The following ARFGAP2 variants were observed in gnomAD, a reference collection of about 807,000 sequenced individuals.
ARFGAP2 encodes the protein ADP-ribosylation factor GTPase-activating protein 2.
In ARFGAP2, 45 loss-of-function variants were observed where a neutral mutation model predicts 71.9. The observed-to-expected ratio is 0.63, with a 90% confidence interval of 0.49 to 0.80. The LOEUF (loss-of-function observed/expected upper bound fraction) is 0.80. Ranked by LOEUF, ARFGAP2 falls within the 30% of genes least tolerant of loss-of-function variation. The pLI is 0.00. For synonymous variants in ARFGAP2, 248 were observed against 249.2 expected, an observed-to-expected ratio of 1.00 and a Z score of 0.05; for missense variants, 633 against 673.9, an observed-to-expected ratio of 0.94 and a Z score of 0.67.
Position 47,164,405 on chromosome 11 carries a change from G to A in ARFGAP2, c.*1077C>T. The A allele has an allele frequency of 2.3e-6, 2 of 874,988 alleles. No homozygotes were observed. The highest frequency in any genetic ancestry group is 3.0e-5 in the East Asian group (1 of 33,104). 54.2% of individuals were successfully genotyped at this position (874,988 alleles called of 1,614,324 possible). On this transcript the variant is annotated 3_prime_UTR_variant, in exon 16 of 16. Transcript: ENST00000524782. ...AAGAAAGTCAAGTCCCTCTGGGGGA[G>A]GGGCAAGGGGAAGAGTGGTCTGTGT...
At chr11:47,168,526 T>A (rs557875612) in intron 10 of ARFGAP2, 2 of 288,678 alleles carry the variant, frequency 6.9e-6, no homozygotes, top group South Asian at 4.6e-5. Flanking sequence ...AATTTAATTT[T>A]ATTTATTTAT....
chr11:47,176,131 C>T, intron 2 of ARFGAP2: 3 of 608,082 alleles, frequency 4.9e-6, no homozygotes, highest in Non-Finnish European at 5.8e-6. Context: ...TCCCCAGATC[C>T]GAAAGGAGGT....
intron 3 of ARFGAP2, chr11:47,175,537 C>G: frequency 1.4e-6 from 1 of 694,198 alleles, no homozygotes; most frequent in African/African-American, 1.8e-5. Context: ...CCCCACTGAA[C>G]GCTGCCTGAG....
intron 2 of ARFGAP2, chr11:47,176,214 T>C (rs1952812468): frequency 1.7e-6 from 1 of 586,618 alleles, no homozygotes. Flanking sequence ...AGAGACATAC[T>C]GGTCTAACAA....
chr11:47,171,771 C>T lies in ARFGAP2; in HGVS notation c.702G>A (p.Gln234=). The change falls in exon 9 of 16, where the codon CAG becomes CAA. Residue 234 remains glutamine (Q), a synonymous_variant. Transcript: ENST00000524782. The stretch of plus-strand genomic sequence containing the variant: ...CACTGAAGCTCTGGCTGCTCACCTT[C>T]TGGGCCCCTAGGCCTTTCTTGGCAC... The part of the protein sequence containing the change: ...GLGAKKGLGA[Q]KVSSQSFSEI... 1.2e-6 allele frequency: 2 copies of T among 1,613,992 alleles called. No individual in the cohort carries two copies. The highest frequency in any genetic ancestry group is 1.7e-6 in the Non-Finnish European group (2 of 1,180,050).
In ARFGAP2 at chr11:47,173,419, T is replaced by C; in HGVS notation, c.619+7A>G. On this transcript the variant is annotated splice_region_variant and intron_variant, in intron 7 of 15. Coordinates refer to ENST00000524782, the MANE Select transcript of ARFGAP2 (RefSeq NM_032389.6). ...GACACCCCACGCCTGCCCGCTGGCATACTGACCCAGTGAGGCTTTGGGTGA... is the reference window on the plus strand; with the variant it reads ...GACACCCCACGCCTGCCCGCTGGCACACTGACCCAGTGAGGCTTTGGGTGA... 1 of 1,553,938 alleles carries C rather than the reference T, an allele frequency of 6.4e-7. No individual in the cohort carries two copies. Among genetic ancestry groups the C allele is most frequent in the Non-Finnish European group, 8.7e-7 (1 of 1,148,306 alleles).
Position 47,173,413 on chromosome 11 carries a change from C to G in ARFGAP2, c.619+13G>C. On this transcript the variant is annotated intron_variant, in intron 7 of 15. Coordinates refer to ENST00000524782, the MANE Select transcript of ARFGAP2 (RefSeq NM_032389.6). ...CTCCCAGACACCCCACGCCTGCCCG[C>G]TGGCATACTGACCCAGTGAGGCTTT... 1 of 1,553,076 alleles carries G rather than the reference C, an allele frequency of 6.4e-7. No homozygotes were observed. Among genetic ancestry groups the G allele is most frequent in the Non-Finnish European group, 8.7e-7 (1 of 1,147,852 alleles).
chr11:47,166,701 G>C, intron 13 of ARFGAP2, 59 bp downstream of exon 13: 1 of 1,601,120 alleles, frequency 6.2e-7, no homozygotes, highest in African/African-American at 1.3e-5. Flanking sequence ...GCAGCGGCAG[G>C]GAGAAAGCTC....
intron 8 of ARFGAP2, 142 bp from the exon 9 acceptor site, chr11:47,171,942 C>T: frequency 8.0e-7 from 1 of 1,254,838 alleles, no homozygotes; most frequent in Middle Eastern, 2.8e-4. Flanking sequence ...CCAGCATGGC[C>T]AAGACAATAG....
At chr11:47,167,033 T>A in intron 12 of ARFGAP2, 147 bp from the exon 13 acceptor site, 1 of 1,079,052 alleles carries the variant, frequency 9.3e-7, no homozygotes, top group Non-Finnish European at 1.3e-6. Flanking sequence ...TGGGCCCCTC[T>A]CCCCTGGTGA....
At chr11:47,165,608 G>T in intron 15 of ARFGAP2, 106 bp from the exon 16 acceptor site, 1 of 1,289,146 alleles carries the variant, frequency 7.8e-7, no homozygotes. Context: ...GCAAGACTGG[G>T]GAGGCAGGGG....
In ARFGAP2 at chr11:47,165,361, C is replaced by A; in HGVS notation, c.*121G>T. The A allele has an allele frequency of 7.4e-7, 1 of 1,347,136 alleles. No individual in the cohort carries two copies. The highest frequency in any genetic ancestry group is 1.0e-6 in the Non-Finnish European group (1 of 989,354). 83.4% of individuals were successfully genotyped at this position (1,347,136 alleles called of 1,614,324 possible). On this transcript the variant is annotated 3_prime_UTR_variant, in exon 16 of 16. Transcript: ENST00000524782. The stretch of plus-strand genomic sequence containing the variant: ...AGCGCCTCAAAGGCCACCCCACACA[C>A]ACACCACACATACGAAGTAACAAAT...
Position 47,174,839 on chromosome 11 carries a change from A to T in ARFGAP2, c.480+176T>A, listed in dbSNP as rs1952735635. The T allele has an allele frequency of 3.1e-5, 22 of 701,202 alleles. No individual in the cohort carries two copies. In the East Asian group the frequency reaches 5.6e-4, roughly 18 times the overall value. 43.4% of individuals were successfully genotyped at this position (701,202 alleles called of 1,614,324 possible). A position where few individuals can be genotyped will look rare whatever the true frequency, so the allele number is the denominator to read the frequency against. ...CTAAGGAGGGCTACACTGCACCTCCATTTATGGAGGAGGAAACACCTAGGC... is the reference window on the plus strand; with the variant it reads ...CTAAGGAGGGCTACACTGCACCTCCTTTTATGGAGGAGGAAACACCTAGGC... On this transcript the variant is annotated intron_variant, in intron 5 of 15. Coordinates refer to ENST00000524782, the MANE Select transcript of ARFGAP2 (RefSeq NM_032389.6).
rs1952306235 is a variant in ARFGAP2 at position 47,165,377 on chromosome 11, A to C, written c.*105T>G. On this transcript the variant is annotated 3_prime_UTR_variant, in exon 16 of 16. Transcript: ENST00000524782. ...CCCCACACACACACCACACATACGA[A>C]GTAACAAATCCTCCCCAGCTTCCAC... 1.4e-6 allele frequency: 2 copies of C among 1,440,288 alleles called. No homozygotes were observed. The highest frequency in any genetic ancestry group is 1.9e-6 in the Non-Finnish European group (2 of 1,066,670). 89.2% of individuals were successfully genotyped at this position (1,440,288 alleles called of 1,614,324 possible). A position where few individuals can be genotyped will look rare whatever the true frequency, so the allele number is the denominator to read the frequency against.
At chr11:47,176,170 T>C (rs1952809723) in intron 2 of ARFGAP2, 1 of 594,190 alleles carries the variant, frequency 1.7e-6, no homozygotes, top group African/African-American at 1.9e-5. Context: ...CGCCTGGATT[T>C]GGCTTTCCCC....
At position 47,175,278 on chromosome 11, in the gene ARFGAP2, A is replaced by C; in HGVS notation, c.300T>G (p.Asn100Lys). The change falls in exon 4 of 16, where the codon AAT becomes AAG. Residue 100 changes from asparagine to lysine, a missense_variant. Physicochemically the swap from Asn to Lys is moderately conservative, Grantham distance 94. Coordinates refer to ENST00000524782, the MANE Select transcript of ARFGAP2 (RefSeq NM_032389.6). ...GGCTATTATATTTGGTGTTGGCATC[A>C]TTGGCTGTGCATCCATGTTGGCGAA... is the stretch of plus-strand genomic sequence containing the variant. ...AFFRQHGCTA[N>K]DANTKYNSRA... 1 of 1,614,160 alleles carries C rather than the reference A, an allele frequency of 6.2e-7. No homozygotes were observed. The highest frequency in any genetic ancestry group is 8.5e-7 in the Non-Finnish European group (1 of 1,180,024).
Position 47,165,460 on chromosome 11 carries a change from A to G in ARFGAP2, c.*22T>C, listed in dbSNP as rs764683248. 33 of 1,569,162 alleles carry G rather than the reference A, an allele frequency of 2.1e-5. No individual in the cohort carries two copies. Among genetic ancestry groups the G allele is most frequent in the Non-Finnish European group, 2.9e-5 (33 of 1,157,056 alleles). On this transcript the variant is annotated 3_prime_UTR_variant, in exon 16 of 16. Coordinates refer to ENST00000524782, the MANE Select transcript of ARFGAP2 (RefSeq NM_032389.6). ...AGTTCTTGTTGCCGTCACCATCGTA[A>G]GCCTGAGTCACAGAGCTCGGATCAG...
At chr11:47,168,068 G>A (rs1432392972) in intron 11 of ARFGAP2, 25 bp from the exon 12 acceptor site, 2 of 1,614,154 alleles carry the variant, frequency 1.2e-6, no homozygotes, top group Admixed American at 1.7e-5. Flanking sequence ...GAGTGGCTCA[G>A]AGAAGCCTGA....
chr11:47,172,009 G>A, intron 8 of ARFGAP2: 2 of 802,254 alleles, frequency 2.5e-6, no homozygotes. Flanking sequence ...GCCCGGGCCT[G>A]AGGACGGCAG....
Sources: allele counts gnomAD v4.1 joint callset, GRCh38; gene constraint gnomAD v4.1.1; transcripts MANE v1.5; gene names NCBI Gene and HGNC (gene_info 2026-07-23, HGNC 2026-07-21).